OCRL: variants seen among roughly 807,000 people sequenced by gnomAD.
OCRL encodes the protein inositol polyphosphate 5-phosphatase OCRL.
Under a neutral mutation model 78.9 loss-of-function variants are expected in OCRL, and 8 were observed. The ratio of observed to expected loss-of-function variants is 0.10; its 90% CI spans 0.06 to 0.18. The LOEUF is 0.18. Ranked by LOEUF, OCRL falls within the 10% of genes least tolerant of loss-of-function variation. The probability of loss-of-function intolerance (pLI) is 1.00; values close to 1 mark genes in which losing one functional copy is unlikely to be tolerated. For missense variants in OCRL, 454 were observed against 696.7 expected (o/e 0.65, Z 3.92); for synonymous variants, 240 against 235.4 (o/e 1.02, Z -0.18).
intron 15 of OCRL, 66 bp from the exon 16 acceptor site, chrX:129,575,074 A>T: frequency 1.3e-6 from 1 of 775,065 alleles, no homozygotes; most frequent in Non-Finnish European, 2.0e-6. Context: ...TTAAATTGTT[A>T]GATAATCTCC....
At chrX:129,568,668 G>T (rs1313602599) in intron 14 of OCRL, among the ~76,000 whole-genome samples, 4 of 112,374 alleles carry the variant, frequency 3.6e-5, no homozygotes, top group Non-Finnish European at 7.5e-5. Context: ...TTGGTATTCT[G>T]TGGACTGACA....
At chrX:129,544,570 G>A (rs1935852637) in intron 2 of OCRL, among the ~76,000 whole-genome samples, 1 of 112,023 alleles carries the variant, frequency 8.9e-6, no homozygotes, top group Admixed American at 9.5e-5. Context: ...CAACTCCTGT[G>A]TGCCAGGCTT....
chrX:129,580,192 GAGTT>G (rs1300696115), intron 18 of OCRL, among the ~76,000 whole-genome samples: 1 of 112,488 alleles, frequency 8.9e-6, no homozygotes, highest in African/African-American at 3.2e-5. Context: ...AGGTGATTTG[GAGTT>G]AGTTATAGAA....
intron 15 of OCRL, among the ~76,000 whole-genome samples, chrX:129,572,442 G>A (rs1451661940): frequency 1.8e-5 from 2 of 112,690 alleles, no homozygotes; most frequent in Non-Finnish European, 3.7e-5. Context: ...TTGCCATTAA[G>A]TGCTGTGATC....
intron 15 of OCRL, among the ~76,000 whole-genome samples, chrX:129,570,362 C>T: frequency 9.0e-6 from 1 of 111,706 alleles, no homozygotes; most frequent in East Asian, 2.8e-4. Flanking sequence ...CAGTTTCCTC[C>T]TCTATTAAGC....
intron 4 of OCRL, among the ~76,000 whole-genome samples, chrX:129,551,255 T>C (rs1468951735): frequency 1.8e-5 from 2 of 111,601 alleles, no homozygotes; most frequent in Non-Finnish European, 3.8e-5. Context: ...AATTCAGTAC[T>C]AGTGTCACAC....
chrX:129,540,824 G>A lies in OCRL; in HGVS notation c.119+1G>A. 1 of 1,197,725 alleles carries A rather than the reference G, an allele frequency of 8.3e-7. No individual in the cohort carries two copies. Among genetic ancestry groups the A allele is most frequent in the Non-Finnish European group, 1.1e-6 (1 of 882,606 alleles). On this transcript the variant is annotated splice_donor_variant, in intron 2 of 23. Transcript: ENST00000371113. LOFTEE classifies it high-confidence loss of function. ...TAGCCCAGAGGAACGGGCAATATGA[G>A]TAAGTAACCACCTGATTCCCACAGA...
intron 14 of OCRL, among the ~76,000 whole-genome samples, chrX:129,568,898 A>G (rs187854964): frequency 1.1e-4 from 12 of 112,915 alleles, no homozygotes; most frequent in Non-Finnish European, 1.9e-4. Flanking sequence ...GGAAGTGTTC[A>G]AAATATAATC....
At chrX:129,589,265 C>T (rs898746658) in intron 22 of OCRL, 4 of 374,375 alleles carry the variant, frequency 1.1e-5, no homozygotes, top group Non-Finnish European at 1.4e-5. Flanking sequence ...TCCCTCTACT[C>T]TGGGGTAAAT....
At chrX:129,588,396 T>A in intron 21 of OCRL, 133 bp downstream of exon 21, 1 of 531,115 alleles carries the variant, frequency 1.9e-6, no homozygotes, top group Non-Finnish European at 3.2e-6. Flanking sequence ...AACCACTGAC[T>A]ATCCACTTGT....
chrX:129,540,767 G>A lies in OCRL; in HGVS notation c.63G>A (p.Lys21=). The A allele has an allele frequency of 1.7e-6, 2 of 1,209,726 alleles. No individual in the cohort carries two copies. The highest frequency in any genetic ancestry group is 2.2e-6 in the Non-Finnish European group (2 of 893,802). ...ATACTGTCGAGGGTATGGAGATGAA[G>A]GGTCCTCTCCGGGAGCCCTGCGCCC... ...PLATVEGMEM[K]GPLREPCALT... The change falls in exon 2 of 24, where the codon AAG becomes AAA. Residue 21 remains lysine (K), a synonymous_variant. Transcript: ENST00000371113.
chrX:129,574,755 C>A (rs1281029158), intron 15 of OCRL, among the ~76,000 whole-genome samples: 1 of 112,294 alleles, frequency 8.9e-6, no homozygotes, highest in Non-Finnish European at 1.9e-5. Flanking sequence ...AGAAAATATT[C>A]TTCCCAAATA....
intron 15 of OCRL, among the ~76,000 whole-genome samples, chrX:129,574,405 A>AT (rs1001293201): frequency 4.5e-5 from 5 of 112,340 alleles, no homozygotes; most frequent in African/African-American, 1.6e-4. Flanking sequence ...CAGGTGGAAA[A>AT]TTTTTTTATC....
intron 21 of OCRL, 121 bp downstream of exon 21, chrX:129,588,384 A>G (rs1936543099): frequency 3.6e-6 from 2 of 553,876 alleles, no homozygotes; most frequent in African/African-American, 4.6e-5. Flanking sequence ...TTATTATAAG[A>G]TAACCACTGA....
chrX:129,575,150 T>A lies in OCRL; in HGVS notation c.1613T>A (p.Val538Glu). Reference sequence around the variant, plus strand: ...TACATTTTCTTTCAGGTGAAGGTTGTGGATGAACGAAGGTACCGGAAAGTC... The same window carrying A: ...TACATTTTCTTTCAGGTGAAGGTTGAGGATGAACGAAGGTACCGGAAAGTC... ...SALFHIGVKVVDERRYRKVFE... is the reference protein window; with the variant it reads ...SALFHIGVKVEDERRYRKVFE... The change falls in exon 16 of 24, where the codon GTG (valine) becomes GAG (glutamate). Residue 538 changes from valine (V) to glutamate (E), a missense_variant. Around this residue, in one of 2 missense-constraint regions of OCRL, gnomAD observed 277 missense variants for 517.1 expected, o/e 0.54. Coordinates refer to ENST00000371113, the MANE Select transcript of OCRL (RefSeq NM_000276.4). 1 of 1,198,745 alleles carries A rather than the reference T, an allele frequency of 8.3e-7. No homozygotes were observed. Among genetic ancestry groups the A allele is most frequent in the Non-Finnish European group, 1.1e-6 (1 of 883,424 alleles).
intron 9 of OCRL, among the ~76,000 whole-genome samples, chrX:129,560,947 C>T (rs993078612): frequency 2.0e-4 from 23 of 112,546 alleles, no homozygotes; most frequent in South Asian, 3.7e-4. Flanking sequence ...TGCTGTTATC[C>T]TCTGTGGGAG....
chrX:129,540,313 C>G lies in OCRL; in HGVS notation c.-127C>G. On this transcript the variant is annotated 5_prime_UTR_variant, in exon 1 of 24. Coordinates refer to ENST00000371113, the MANE Select transcript of OCRL (RefSeq NM_000276.4). ...CTCCCCGCTCCCGGCTCCCGGCGCC[C>G]GGCGCCCGGCGCGGAGCTGTTCCTC... The G allele has an allele frequency of 2.6e-6, 2 of 777,374 alleles. No homozygotes were observed. Among genetic ancestry groups the G allele is most frequent in the East Asian group, 7.2e-5 (2 of 27,948 alleles). 64.1% of individuals were successfully genotyped at this position (777,374 alleles called of 1,213,427 possible). A position where few individuals can be genotyped will look rare whatever the true frequency, so the allele number is the denominator to read the frequency against.
intron 18 of OCRL, among the ~76,000 whole-genome samples, chrX:129,579,376 A>T (rs1171816863): frequency 9.0e-6 from 1 of 111,439 alleles, no homozygotes; most frequent in Non-Finnish European, 1.9e-5. Flanking sequence ...ATCTCATGAG[A>T]TGATGCTGTT....
chrX:129,551,774 A>C (rs1442677878), intron 4 of OCRL, among the ~76,000 whole-genome samples: 4 of 112,667 alleles, frequency 3.6e-5, no homozygotes, highest in African/African-American at 1.3e-4. Context: ...GAGGAAAAGT[A>C]CTAAGAGTTT....
Sources: allele counts gnomAD v4.1 joint callset (sites outside exome capture counted in the v4.1 genomes callset), GRCh38; gene constraint gnomAD v4.1.1; regional missense constraint gnomAD v4.1.1; transcripts MANE v1.5; gene names NCBI Gene and HGNC (gene_info 2026-07-23, HGNC 2026-07-21).